The following CADPS2 variants were observed in gnomAD, a reference collection of about 807,000 sequenced individuals.
CADPS2 encodes calcium-dependent secretion activator 2.
In CADPS2, 93 loss-of-function variants were observed where a neutral mutation model predicts 172.5. The observed-to-expected ratio is 0.54, with a 90% CI of 0.46 to 0.64. The LOEUF (loss-of-function observed/expected upper bound fraction) is 0.64. Among genes scored for constraint, CADPS2 ranks in the 30% least tolerant of loss-of-function variants. CADPS2 has a pLI of 0.00. For synonymous variants in CADPS2, 546 were observed against 555.2 expected, an observed-to-expected ratio of 0.98 and a Z score of 0.23; for missense variants, 1,420 against 1,565.9, an observed-to-expected ratio of 0.91 and a Z score of 1.57.
chr7:122,678,980 T>C (rs1564041155), intron 2 of CADPS2, among the ~76,000 whole-genome samples: 2 of 152,070 alleles, frequency 1.3e-5, no homozygotes, highest in African/African-American at 2.4e-5. Flanking sequence ...TCTTCGTAAG[T>C]TGAGGATGTA....
chr7:122,707,097 T>A (rs773491146), intron 2 of CADPS2, among the ~76,000 whole-genome samples: 1 of 151,800 alleles, frequency 6.6e-6, no homozygotes, highest in Non-Finnish European at 1.5e-5. Flanking sequence ...GCAGGCACAA[T>A]GGCAGTTACA....
intron 19 of CADPS2, among the ~76,000 whole-genome samples, chr7:122,413,627 A>G (rs2047561970): frequency 6.6e-6 from 1 of 152,192 alleles, no homozygotes; most frequent in Non-Finnish European, 1.5e-5. Context: ...GTGCTCTTTC[A>G]TGGAGCAAAG....
intron 27 of CADPS2, among the ~76,000 whole-genome samples, chr7:122,358,123 C>T (rs750190617): frequency 1.3e-5 from 2 of 152,154 alleles, no homozygotes; most frequent in Admixed American, 1.3e-4. Flanking sequence ...CTCTTATCCT[C>T]GTCAACATTT....
chr7:122,757,007 C>T (rs1383891679), intron 1 of CADPS2, among the ~76,000 whole-genome samples: 2 of 152,128 alleles, frequency 1.3e-5, no homozygotes, highest in African/African-American at 2.4e-5. Context: ...CACAACTCCA[C>T]GGACACCTTT....
At chr7:122,765,531 CTCCTA>C (rs2093520777) in intron 1 of CADPS2, among the ~76,000 whole-genome samples, 1 of 152,052 alleles carries the variant, frequency 6.6e-6, no homozygotes, top group Admixed American at 6.6e-5. Flanking sequence ...GCTCCAGATC[CTCCTA>C]CAGTACCTAC....
At chr7:122,386,379 G>T in intron 24 of CADPS2, 3 of 974,636 alleles carry the variant, frequency 3.1e-6, no homozygotes, top group Non-Finnish European at 4.3e-6. Context: ...AAGAAATGAA[G>T]AAAAAGTAAT....
chr7:122,834,726 C>T (rs781158896), intron 1 of CADPS2, among the ~76,000 whole-genome samples: 3 of 152,134 alleles, frequency 2.0e-5, no homozygotes, highest in Non-Finnish European at 2.9e-5. Flanking sequence ...AAGGCGGCAG[C>T]GAGGCTGGGG....
intron 2 of CADPS2, among the ~76,000 whole-genome samples, chr7:122,721,553 T>C (rs2090402447): frequency 1.3e-5 from 2 of 152,118 alleles, no homozygotes; most frequent in East Asian, 1.9e-4. Context: ...ATTAATAGCC[T>C]ACCAACCAAA....
At chr7:122,640,989 A>C (rs1378792130) in intron 3 of CADPS2, among the ~76,000 whole-genome samples, 1 of 151,796 alleles carries the variant, frequency 6.6e-6, no homozygotes, top group Non-Finnish European at 1.5e-5. Flanking sequence ...GATTTAGGCT[A>C]TGAGATACAT....
chr7:122,722,734 C>G (rs1315960983), intron 2 of CADPS2, among the ~76,000 whole-genome samples: 1 of 139,590 alleles, frequency 7.2e-6, no homozygotes, highest in Non-Finnish European at 1.5e-5. Context: ...CAATCCTAAG[C>G]CAAAAGAACA....
chr7:122,518,609 G>A (rs947708074), intron 8 of CADPS2, among the ~76,000 whole-genome samples: 2 of 152,002 alleles, frequency 1.3e-5, no homozygotes, highest in Non-Finnish European at 2.9e-5. Context: ...TTGCTAGCGG[G>A]TCTATGCTGC....
At chr7:122,580,019 ATGATCCTAGCATCTTTT>A (rs755185678) in intron 7 of CADPS2, among the ~76,000 whole-genome samples, 7 of 152,142 alleles carry the variant, frequency 4.6e-5, no homozygotes, top group Non-Finnish European at 1.0e-4. Flanking sequence ...AGTATACAGA[ATGATCCTAGCATCTTTT>A]TGCATCTAGC....
At chr7:122,323,992 T>C (rs2033274597) in intron 29 of CADPS2, among the ~76,000 whole-genome samples, 1 of 148,926 alleles carries the variant, frequency 6.7e-6, no homozygotes, top group Admixed American at 6.7e-5. Flanking sequence ...AAGTCACATT[T>C]ATAGAAACAA....
chr7:122,527,617 A>AGAGAGAGAGAGAGAGAGAGT, intron 8 of CADPS2, among the ~76,000 whole-genome samples: 2 of 83,886 alleles, frequency 2.4e-5, no homozygotes, highest in Non-Finnish European at 5.2e-5. Flanking sequence ...AGAGAGAGAG[A>AGAGAGAGAGAGAGAGAGAGT]GTGTGTGTGT....
chr7:122,375,387 A>T (rs1343065774), intron 25 of CADPS2, among the ~76,000 whole-genome samples: 1 of 152,192 alleles, frequency 6.6e-6, no homozygotes, highest in East Asian at 1.9e-4. Flanking sequence ...ACTGGCATAA[A>T]AGCAGATGTA....
chr7:122,424,017 C>A (rs1440856696), intron 17 of CADPS2: 1 of 152,180 alleles, frequency 6.6e-6, no homozygotes. Flanking sequence ...TCTGCAGAAT[C>A]TGAACTGATT....
chr7:122,601,028 T>C (rs1482916714), intron 6 of CADPS2, among the ~76,000 whole-genome samples: 1 of 152,100 alleles, frequency 6.6e-6, no homozygotes, highest in Non-Finnish European at 1.5e-5. Context: ...TGGATAATGA[T>C]AGGTTAAGTT....
chr7:122,504,438 A>T (rs1380030547), intron 9 of CADPS2, among the ~76,000 whole-genome samples: 1 of 151,856 alleles, frequency 6.6e-6, no homozygotes, highest in Non-Finnish European at 1.5e-5. Flanking sequence ...TGGGGATTGA[A>T]CTCTCTTCAA....
intron 1 of CADPS2, among the ~76,000 whole-genome samples, chr7:122,840,551 T>C (rs549366206): frequency 0.014 from 784 of 54,606 alleles, 5 homozygotes; most frequent in African/African-American, 0.054. Flanking sequence ...TATTTTTAAA[T>C]GCAAAAAAAA....
Sources: gnomAD v4.1 joint callset for allele counts (sites outside exome capture counted in the v4.1 genomes callset) on GRCh38, gnomAD v4.1.1 for gene constraint, MANE v1.5 for transcripts, NCBI Gene and HGNC (gene_info 2026-07-23, HGNC 2026-07-21) for gene names.